The following TRPM8 variants were observed in gnomAD, a reference collection of about 807,000 sequenced individuals.
TRPM8 encodes TRPM8 cationic channel.
Under a neutral mutation model 133.7 loss-of-function variants are expected in TRPM8, and 110 were observed. The observed-to-expected ratio is 0.82, with a 90% CI of 0.70 to 0.96. TRPM8 has a LOEUF of 0.96. TRPM8 is among the 40% of genes least tolerant of loss of function. The pLI is 0.00. For missense variants in TRPM8, 1,291 were observed against 1,379.5 expected, an observed-to-expected ratio of 0.94 and a Z score of 1.02; for synonymous variants, 535 against 532.3, an observed-to-expected ratio of 1.01 and a Z score of -0.07.
intron 3 of TRPM8, among the ~76,000 whole-genome samples, chr2:233,936,218 G>C (rs1356821473): frequency 1.3e-5 from 2 of 152,210 alleles, no homozygotes; most frequent in African/African-American, 2.4e-5. Context: ...AAGGCAGGAA[G>C]GACATCCCGC....
intron 8 of TRPM8, chr2:233,947,422 T>G: frequency 6.8e-7 from 1 of 1,464,264 alleles, no homozygotes. Context: ...GAGTTGACAT[T>G]AATTCGGGAG....
chr2:233,964,381 G>C (rs1417317472), intron 13 of TRPM8, among the ~76,000 whole-genome samples: 1 of 151,320 alleles, frequency 6.6e-6, no homozygotes, highest in African/African-American at 2.4e-5. Flanking sequence ...GCGAAACCCC[G>C]TCTCTACTAA....
intron 21 of TRPM8, among the ~76,000 whole-genome samples, chr2:233,990,164 G>A (rs567348456): frequency 6.6e-6 from 1 of 152,314 alleles, no homozygotes; most frequent in African/African-American, 2.4e-5. Flanking sequence ...AATATTTATT[G>A]AAGCTTTCCC....
intron 11 of TRPM8, 119 bp downstream of exon 11, chr2:233,955,369 C>A: frequency 1.4e-6 from 1 of 712,244 alleles, no homozygotes; most frequent in Non-Finnish European, 2.4e-6. Context: ...TTGTTCTGTT[C>A]CAGAATATCA....
Position 233,980,136 on chromosome 2 carries a change from G to A in TRPM8, c.2356-52G>A, listed in dbSNP as rs1691969327. On this transcript the variant is annotated intron_variant, in intron 17 of 25. Coordinates refer to ENST00000324695, the MANE Select transcript of TRPM8 (RefSeq NM_024080.5). ...AGTGGACATTTAAAAATCTGGAAATGGTTGATATTTCCAAGCTGCTGATGT... is the reference window on the plus strand; with the variant it reads ...AGTGGACATTTAAAAATCTGGAAATAGTTGATATTTCCAAGCTGCTGATGT... The A allele has an allele frequency of 5.0e-6, 6 of 1,199,604 alleles. No homozygotes were observed. The East Asian group carries it at 1.5e-4, about 29-fold the overall frequency. The allele number at this position is 1,199,604 out of a possible 1,614,324, so 74.3% of individuals were successfully genotyped here.
chr2:233,994,866 T>C (rs1052759049), intron 21 of TRPM8, among the ~76,000 whole-genome samples: 1 of 152,220 alleles, frequency 6.6e-6, no homozygotes, highest in South Asian at 2.1e-4. Flanking sequence ...ATTGCACCTC[T>C]TTGGCTCTTG....
At chr2:233,944,520 T>A (rs1178330026) in intron 6 of TRPM8, among the ~76,000 whole-genome samples, 2 of 152,156 alleles carry the variant, frequency 1.3e-5, no homozygotes, top group African/African-American at 4.8e-5. Flanking sequence ...AAACTTGAAA[T>A]GAATATGTAA....
rs199516053 is a variant in TRPM8, at chr2:233,970,400, G to A, written c.2329G>A (p.Val777Ile). 5.0e-6 allele frequency: 8 copies of A among 1,613,816 alleles called. No homozygotes were observed. Among genetic ancestry groups the A allele is most frequent in the Non-Finnish European group, 5.9e-6 (7 of 1,180,026 alleles). ...GCTGGTCCTGTACTCGCTGGTCTTT[G>A]TCCTCTTCTGTGATGAAGTGAGACA... is the stretch of plus-strand genomic sequence containing the variant. ...PELVLYSLVFVLFCDEVRQWY... is the reference protein window; with the variant it reads ...PELVLYSLVFILFCDEVRQWY... Residue 777 changes from valine to isoleucine, a missense_variant, in exon 17 of 26, where the codon GTC (valine) becomes ATC (isoleucine). By Grantham distance (29) the Val-to-Ile change is conservative (BLOSUM62 3). Transcript: ENST00000324695.
At chr2:233,923,825 G>A (rs1014896446) in intron 1 of TRPM8, among the ~76,000 whole-genome samples, 1 of 152,122 alleles carries the variant, frequency 6.6e-6, no homozygotes, top group Non-Finnish European at 1.5e-5. Context: ...ACTGTCCAGA[G>A]CTGGAAAAAA....
At chr2:233,932,034 T>C (rs1344177014) in intron 3 of TRPM8, among the ~76,000 whole-genome samples, 1 of 152,250 alleles carries the variant, frequency 6.6e-6, no homozygotes, top group Non-Finnish European at 1.5e-5. Context: ...TACCGTCAGT[T>C]GCCTCCCTTT....
chr2:233,972,921 G>A (rs1210337642), intron 17 of TRPM8, among the ~76,000 whole-genome samples: 1 of 152,234 alleles, frequency 6.6e-6, no homozygotes, highest in Admixed American at 6.5e-5. Context: ...CTCCCACAGT[G>A]CAGCGGTGGG....
intron 15 of TRPM8, among the ~76,000 whole-genome samples, chr2:233,967,586 T>A (rs999585740): frequency 1.3e-5 from 2 of 152,226 alleles, no homozygotes; most frequent in Non-Finnish European, 2.9e-5. Flanking sequence ...TTGGCTCTCA[T>A]GTTGATTGCC....
chr2:233,963,186 C>T, intron 12 of TRPM8, 96 bp from the exon 13 acceptor site: 1 of 697,066 alleles, frequency 1.4e-6, no homozygotes, highest in South Asian at 2.2e-5. Flanking sequence ...TGCACAAAGC[C>T]ACAGAGCCCT....
chr2:233,957,155 A>G (rs763750003), intron 11 of TRPM8, among the ~76,000 whole-genome samples: 1 of 151,994 alleles, frequency 6.6e-6, no homozygotes, highest in Non-Finnish European at 1.5e-5. Context: ...ATTTTTAGAG[A>G]TTTTCTGAGT....
rs1247679851 is a variant in TRPM8 at position 233,989,663 on chromosome 2, A to G, written c.2939+3798A>G. The stretch of plus-strand genomic sequence containing the variant: ...TCATTTAAAAGCTTAACCATACACA[A>G]TGGCAACCTTATTAACTGCAATGCA... On this transcript the variant is annotated intron_variant, in intron 21 of 25. Transcript: ENST00000324695. The surrounding 1 kb of genome is among the most constrained non-coding windows in gnomAD (Gnocchi z 4.2). Among the ~76,000 whole-genome samples the G allele has an allele frequency of 2.0e-5, 3 of 152,180 alleles. No homozygotes were observed. The highest frequency in any genetic ancestry group is 1.9e-4 in the East Asian group (1 of 5,202).
chr2:233,965,059 G>A (rs539947105), intron 14 of TRPM8, among the ~76,000 whole-genome samples: 9 of 147,686 alleles, frequency 6.1e-5, no homozygotes, highest in African/African-American at 1.9e-4. Flanking sequence ...TTTGTGGGGG[G>A]GGGGGGTGTT....
chr2:233,919,427 A>C (rs1672753218), intron 1 of TRPM8, among the ~76,000 whole-genome samples: 1 of 152,236 alleles, frequency 6.6e-6, no homozygotes, highest in South Asian at 2.1e-4. Flanking sequence ...TTAAAGTGGC[A>C]CAAATTAGCT....
In TRPM8 at chr2:233,960,904, C is replaced by T. The variant is rs1310985014; in HGVS notation, c.1491C>T (p.Phe497=). The T allele has an allele frequency of 1.9e-6, 3 of 1,614,096 alleles. No individual in the cohort carries two copies. Among genetic ancestry groups the T allele is most frequent in the East Asian group, 2.2e-5 (1 of 44,886 alleles). ...FLTHDVLTEL[F]SNHFSTLVYR... ...CCCATGATGTCCTCACTGAACTCTT[C>T]TCCAACCACTTCAGCACGCTTGTGT... Residue 497 remains phenylalanine, a synonymous_variant, in exon 12 of 26, where the codon TTC becomes TTT. Coordinates refer to ENST00000324695, the MANE Select transcript of TRPM8 (RefSeq NM_024080.5).
intron 15 of TRPM8, among the ~76,000 whole-genome samples, chr2:233,969,404 T>A (rs1691651750): frequency 6.6e-6 from 1 of 152,064 alleles, no homozygotes; most frequent in African/African-American, 2.4e-5. Context: ...GGAGAATCGC[T>A]TGAACCTGGG....
Sources: allele counts gnomAD v4.1 joint callset (sites outside exome capture counted in the v4.1 genomes callset), GRCh38; gene constraint gnomAD v4.1.1; non-coding constraint Gnocchi (gnomAD v3.1); transcripts MANE v1.5; gene names NCBI Gene and HGNC (gene_info 2026-07-23, HGNC 2026-07-21).